The following RAB39A variants were observed in gnomAD, a reference collection of about 807,000 sequenced individuals.
RAB39A encodes the protein RAB39A, member RAS oncogene family.
Under a neutral mutation model 20.9 loss-of-function variants are expected in RAB39A, and 17 were observed. The ratio of observed to expected loss-of-function variants is 0.81; its 90% CI spans 0.56 to 1.22. RAB39A has a LOEUF of 1.22. Ranked by LOEUF, RAB39A falls within the 50% of genes most tolerant of loss-of-function variation. RAB39A has a pLI of 0.00. For synonymous variants in RAB39A, 99 were observed against 103.4 expected (o/e 0.96, Z 0.26); for missense variants, 234 against 270.5 (o/e 0.87, Z 0.95).
At chr11:107,953,879 C>G (rs1342532480) in intron 1 of RAB39A, among the ~76,000 whole-genome samples, 2 of 152,126 alleles carry the variant, frequency 1.3e-5, no homozygotes, top group Non-Finnish European at 2.9e-5. Flanking sequence ...TCTTAATAAC[C>G]CATTTCACAG....
chr11:107,939,450 CAA>C (rs56700827), intron 1 of RAB39A, among the ~76,000 whole-genome samples: 7 of 114,092 alleles, frequency 6.1e-5, no homozygotes, highest in Admixed American at 9.1e-5. Context: ...ACTAAAAATA[CAA>C]AAAAAAAAAA....
rs371337879 is a variant in RAB39A, at chr11:107,942,080, CAG to C, written c.227+13293_227+13294del. On this transcript the variant is annotated intron_variant, in intron 1 of 1. Coordinates refer to ENST00000320578, the MANE Select transcript of RAB39A (RefSeq NM_017516.3). ...TACCACTGCTCTGCAGCCTGGGCAACAGAGAGAGATTCCATCTCAAAAAAAAA... is the reference window on the plus strand; with the variant it reads ...TACCACTGCTCTGCAGCCTGGGCAACAGAGAGATTCCATCTCAAAAAAAAA... 2.7e-3 allele frequency among the ~76,000 whole-genome samples: 259 copies of C among 95,184 alleles called. 2 individuals carry two copies. The highest frequency in any genetic ancestry group is 0.01 in the African/African-American group (243 of 23,628). 62.4% of individuals were successfully genotyped at this position (95,184 alleles called of 152,430 possible). A position where few individuals can be genotyped will look rare whatever the true frequency, so the allele number is the denominator to read the frequency against.
At chr11:107,949,948 G>GT (rs2134967020) in intron 1 of RAB39A, among the ~76,000 whole-genome samples, 1 of 151,838 alleles carries the variant, frequency 6.6e-6, no homozygotes, top group East Asian at 1.9e-4. Context: ...CGAGGCGGGC[G>GT]TATTACAAGG....
intron 1 of RAB39A, among the ~76,000 whole-genome samples, chr11:107,947,126 G>C (rs1479594045): frequency 6.6e-6 from 1 of 151,446 alleles, no homozygotes; most frequent in East Asian, 1.9e-4. Flanking sequence ...TTTTGAGACA[G>C]AGTCTCACTC....
intron 1 of RAB39A, among the ~76,000 whole-genome samples, chr11:107,940,440 T>C (rs1439381814): frequency 6.6e-6 from 1 of 151,890 alleles, no homozygotes; most frequent in Non-Finnish European, 1.5e-5. Context: ...ATTTTTGTAT[T>C]TTTAATAGAG....
intron 1 of RAB39A, among the ~76,000 whole-genome samples, chr11:107,960,501 G>A (rs1861485175): frequency 6.6e-6 from 1 of 152,164 alleles, no homozygotes; most frequent in Non-Finnish European, 1.5e-5. Flanking sequence ...AAAACAACAT[G>A]TGGAGGGGCA....
At chr11:107,948,410 T>C (rs1403780731) in intron 1 of RAB39A, among the ~76,000 whole-genome samples, 1 of 152,044 alleles carries the variant, frequency 6.6e-6, no homozygotes, top group Admixed American at 6.6e-5. Flanking sequence ...TTAGGCAGCG[T>C]CATGTGAATA....
intron 1 of RAB39A, among the ~76,000 whole-genome samples, chr11:107,947,004 T>A (rs1861326302): frequency 6.6e-6 from 1 of 151,794 alleles, no homozygotes; most frequent in Non-Finnish European, 1.5e-5. Context: ...CTGGGAGACT[T>A]TGGAAAACAC....
chr11:107,954,148 A>G (rs1275164982), intron 1 of RAB39A, among the ~76,000 whole-genome samples: 2 of 152,190 alleles, frequency 1.3e-5, no homozygotes, highest in East Asian at 3.8e-4. Flanking sequence ...AGTAAGGTAC[A>G]ATATTCAGGA....
chr11:107,956,330 C>A (rs1861436378), intron 1 of RAB39A, among the ~76,000 whole-genome samples: 1 of 152,176 alleles, frequency 6.6e-6, no homozygotes, highest in Non-Finnish European at 1.5e-5. Context: ...TACTTGAAAA[C>A]CATTGATATT....
chr11:107,945,352 G>A (rs1309540452), intron 1 of RAB39A, among the ~76,000 whole-genome samples: 1 of 147,264 alleles, frequency 6.8e-6, no homozygotes, highest in African/African-American at 2.5e-5. Flanking sequence ...GTGGTTTCTT[G>A]TGAAGATAGC....
intron 1 of RAB39A, among the ~76,000 whole-genome samples, chr11:107,931,418 A>G (rs1428898213): frequency 6.6e-6 from 1 of 152,178 alleles, no homozygotes; most frequent in Non-Finnish European, 1.5e-5. Flanking sequence ...GTCATAATTT[A>G]TTTTGTTTGG....
rs372299006 is a variant in RAB39A, at chr11:107,962,380, C to G, written c.*8C>G. The stretch of plus-strand genomic sequence containing the variant: ...AAAGAATGCTTCTGCTGACTTCAAA[C>G]ATGCTGAAGAACTAACAGGAACAGA... On this transcript the variant is annotated 3_prime_UTR_variant, in exon 2 of 2. Transcript: ENST00000320578. The G allele has an allele frequency of 1.7e-4, 263 of 1,586,844 alleles. 1 individual carries two copies. Among genetic ancestry groups the G allele is most frequent in the Non-Finnish European group, 2.2e-4 (254 of 1,162,882 alleles).
rs531649276 is a variant in RAB39A, at chr11:107,955,569, C to T, written c.228-6377C>T. On this transcript the variant is annotated intron_variant, in intron 1 of 1. Transcript: ENST00000320578. ...ATAATGTTTCCTCCAAAATTAAAAA[C>T]GGTTCACGCCTGTAATCCTAGCACT... is the stretch of plus-strand genomic sequence containing the variant. 1.4e-4 allele frequency among the ~76,000 whole-genome samples: 21 copies of T among 152,172 alleles called. No homozygotes were observed. The South Asian group carries it at 2.7e-3, about 20-fold the overall frequency.
intron 1 of RAB39A, among the ~76,000 whole-genome samples, chr11:107,939,282 A>G (rs1861235023): frequency 6.8e-6 from 1 of 147,366 alleles, no homozygotes; most frequent in East Asian, 2.0e-4. Flanking sequence ...GAAGTAGTTG[A>G]ACAACCAAGA....
chr11:107,962,500 A>T lies in RAB39A; in HGVS notation c.*128A>T. On this transcript the variant is annotated 3_prime_UTR_variant, in exon 2 of 2. Coordinates refer to ENST00000320578, the MANE Select transcript of RAB39A (RefSeq NM_017516.3). ...TACAAACCCACACCAATACTATTTT[A>T]TAAGGTATTTGATTCAGAGCATGAT... 1.1e-6 allele frequency: 1 copy of T among 891,760 alleles called. No individual in the cohort carries two copies. The highest frequency in any genetic ancestry group is 1.7e-6 in the Non-Finnish European group (1 of 605,640). The allele number at this position is 891,760 out of a possible 1,614,324, so 55.2% of individuals were successfully genotyped here. A position where few individuals can be genotyped will look rare whatever the true frequency, so the allele number is the denominator to read the frequency against.
At chr11:107,959,120 CA>C (rs35703057) in intron 1 of RAB39A, among the ~76,000 whole-genome samples, 130,951 of 148,430 alleles carry the variant, frequency 0.88, 57,666 homozygotes, top group Admixed American at 0.91. Context: ...AACTCCGTCT[CA>C]AAAAAAAAAA....
chr11:107,949,396 G>T (rs1305875903), intron 1 of RAB39A, among the ~76,000 whole-genome samples: 1 of 152,036 alleles, frequency 6.6e-6, no homozygotes, highest in Admixed American at 6.6e-5. Flanking sequence ...AATGAAATGA[G>T]AAAAAGATTC....
At chr11:107,955,287 G>A (rs1182707160) in intron 1 of RAB39A, among the ~76,000 whole-genome samples, 1 of 152,018 alleles carries the variant, frequency 6.6e-6, no homozygotes, top group Non-Finnish European at 1.5e-5. Flanking sequence ...ATGAGCCACT[G>A]CACGCGGCCA....
Sources: gnomAD v4.1 joint callset for allele counts (sites outside exome capture counted in the v4.1 genomes callset) on GRCh38, gnomAD v4.1.1 for gene constraint, MANE v1.5 for transcripts, NCBI Gene and HGNC (gene_info 2026-07-23, HGNC 2026-07-21) for gene names.